The following GJB4 variants were observed in gnomAD, a reference collection of about 807,000 sequenced individuals.
The protein encoded by GJB4 is gap junction beta-4 protein.
For missense variants in GJB4, 371 were observed against 363.8 expected (o/e 1.02, Z -0.16); for synonymous variants, 162 against 158.1 (o/e 1.02, Z -0.18).
At position 34,762,085 on chromosome 1, in the gene GJB4, G is replaced by GT. The variant is rs1202659476; in HGVS notation, c.*31dup. ...CGAGATCAGCAGATAAGATCAACAG[G>GT]TCCCCCCCACATGAGGCCACCCAGG... is the stretch of plus-strand genomic sequence containing the variant. On this transcript the variant is annotated 3_prime_UTR_variant, in exon 2 of 2. Coordinates refer to ENST00000339480, the MANE Select transcript of GJB4 (RefSeq NM_153212.3). 6.3e-7 allele frequency: 1 copy of GT among 1,581,558 alleles called. No individual in the cohort carries two copies. Among genetic ancestry groups the GT allele is most frequent in the South Asian group, 1.1e-5 (1 of 87,828 alleles).
rs779192023 is a variant in GJB4, at chr1:34,761,659, C to T, written c.405C>T (p.Leu135=). ...TGTGGTGGACGTACTTGCTGAGCCT[C>T]ATCTTCAAGGCCGCCGTGGATGCTG... ...GGLWWTYLLS[L]IFKAAVDAGF... The change falls in exon 2 of 2, where the codon CTC becomes CTT. Residue 135 remains leucine (L), a synonymous_variant. Coordinates refer to ENST00000339480, the MANE Select transcript of GJB4 (RefSeq NM_153212.3). The surrounding 1 kb of genome is among the most constrained non-coding windows in gnomAD (Gnocchi z 4.4). 6.8e-6 allele frequency: 11 copies of T among 1,614,244 alleles called. No homozygotes were observed. The highest frequency in any genetic ancestry group is 3.3e-4 in the Middle Eastern group (2 of 6,062).
At position 34,762,078 on chromosome 1, in the gene GJB4, T is replaced by G; in HGVS notation, c.*23T>G. 1.9e-6 allele frequency: 3 copies of G among 1,591,518 alleles called. No homozygotes were observed. The highest frequency in any genetic ancestry group is 2.6e-6 in the Non-Finnish European group (3 of 1,167,532). On this transcript the variant is annotated 3_prime_UTR_variant, in exon 2 of 2. Coordinates refer to ENST00000339480, the MANE Select transcript of GJB4 (RefSeq NM_153212.3). Reference sequence around the variant, plus strand: ...TAACCTGCGAGATCAGCAGATAAGATCAACAGGTCCCCCCCACATGAGGCC... The same window carrying G: ...TAACCTGCGAGATCAGCAGATAAGAGCAACAGGTCCCCCCCACATGAGGCC...
rs1639716645 is a variant in GJB4, at chr1:34,761,601, T to C, written c.347T>C (p.Leu116Pro). ...AAACACGGGCCCAATGCCCCGTCCC[T>C]GTACGACAACCTGAGCAAGAAGCGG... is the stretch of plus-strand genomic sequence containing the variant. ...HLKHGPNAPS[L>P]YDNLSKKRGG... Residue 116 changes from leucine to proline, a missense_variant, in exon 2 of 2, where the codon CTG (leucine) becomes CCG (proline). Coordinates refer to ENST00000339480, the MANE Select transcript of GJB4 (RefSeq NM_153212.3). This position sits in a 1 kb window ranked among gnomAD's most constrained non-coding sequence, Gnocchi z 4.4. 1.2e-6 allele frequency: 2 copies of C among 1,614,250 alleles called. No homozygotes were observed. Among genetic ancestry groups the C allele is most frequent in the Non-Finnish European group, 1.7e-6 (2 of 1,180,036 alleles).
Position 34,761,024 on chromosome 1 carries a change from G to T in GJB4, c.-231G>T. On this transcript the variant is annotated 5_prime_UTR_variant, in exon 2 of 2. Transcript: ENST00000339480. The surrounding 1 kb of genome is among the most constrained non-coding windows in gnomAD (Gnocchi z 4.4). ...TGTGGACCATTGGGCAGGTATCTCT[G>T]GGCCTTCACTTACTCTTTGTGAAAT... is the stretch of plus-strand genomic sequence containing the variant. The T allele has an allele frequency of 6.7e-6, 4 of 599,928 alleles. No individual in the cohort carries two copies. Among genetic ancestry groups the T allele is most frequent in the Non-Finnish European group, 1.2e-5 (4 of 332,204 alleles). 37.2% of individuals were successfully genotyped at this position (599,928 alleles called of 1,614,324 possible). A position where few individuals can be genotyped will look rare whatever the true frequency, so the allele number is the denominator to read the frequency against.
chr1:34,761,295 A>G lies in GJB4; in HGVS notation c.41A>G (p.Asn14Ser), dbSNP rs775121738. 1.9e-6 allele frequency: 3 copies of G among 1,614,214 alleles called. No homozygotes were observed. The highest frequency in any genetic ancestry group is 2.5e-6 in the Non-Finnish European group (3 of 1,180,030). ...AFLQGLLSGVNKYSTVLSRIW... is the reference protein window; with the variant it reads ...AFLQGLLSGVSKYSTVLSRIW... ...CTGCAGGGCCTGCTGAGTGGCGTGA[A>G]CAAGTACTCCACAGTGCTGAGCCGC... The change falls in exon 2 of 2, where the codon AAC becomes AGC. Residue 14 changes from asparagine to serine, a missense_variant. Transcript: ENST00000339480. This position sits in a 1 kb window ranked among gnomAD's most constrained non-coding sequence, Gnocchi z 4.4.
At chr1:34,760,033 T>C (rs143435726) in intron 1 of GJB4, among the ~76,000 whole-genome samples, 300 of 152,268 alleles carry the variant, frequency 2.0e-3, no homozygotes, top group African/African-American at 6.9e-3. Context: ...TTAACAAACA[T>C]CTATTGTGTG....
At position 34,762,094 on chromosome 1, in the gene GJB4, A is replaced by G; in HGVS notation, c.*39A>G. ...CAGATAAGATCAACAGGTCCCCCCCACATGAGGCCACCCAGGAAAAAAGGC... is the reference window on the plus strand; with the variant it reads ...CAGATAAGATCAACAGGTCCCCCCCGCATGAGGCCACCCAGGAAAAAAGGC... On this transcript the variant is annotated 3_prime_UTR_variant, in exon 2 of 2. Coordinates refer to ENST00000339480, the MANE Select transcript of GJB4 (RefSeq NM_153212.3). 6.5e-7 allele frequency: 1 copy of G among 1,548,034 alleles called. No individual in the cohort carries two copies. The highest frequency in any genetic ancestry group is 8.8e-7 in the Non-Finnish European group (1 of 1,136,796).
At position 34,761,197 on chromosome 1, in the gene GJB4, T is replaced by G; in HGVS notation, c.-58T>G. 1.9e-6 allele frequency: 3 copies of G among 1,579,974 alleles called. No homozygotes were observed. Among genetic ancestry groups the G allele is most frequent in the Non-Finnish European group, 2.6e-6 (3 of 1,152,190 alleles). On this transcript the variant is annotated 5_prime_UTR_variant, in exon 2 of 2. Transcript: ENST00000339480. The surrounding 1 kb of genome is among the most constrained non-coding windows in gnomAD (Gnocchi z 4.4). ...GGCCTCAAGGCTCCCAAGGCCTGAG[T>G]GGGCAGGTAGCACCCAGGTATAGAC...
At position 34,761,342 on chromosome 1, in the gene GJB4, A is replaced by G. The variant is rs745452259; in HGVS notation, c.88A>G (p.Ile30Val). Reference protein sequence around the residue: ...LSRIWLSVVFIFRVLVYVVAA... With the variant: ...LSRIWLSVVFVFRVLVYVVAA... ...CCGCATCTGGCTGTCTGTGGTGTTC[A>G]TCTTTCGTGTGCTGGTGTACGTGGT... Residue 30 changes from isoleucine to valine, a missense_variant, in exon 2 of 2, where the codon ATC becomes GTC. Coordinates refer to ENST00000339480, the MANE Select transcript of GJB4 (RefSeq NM_153212.3). This position sits in a 1 kb window ranked among gnomAD's most constrained non-coding sequence, Gnocchi z 4.4. The G allele has an allele frequency of 6.2e-7, 1 of 1,614,026 alleles. No homozygotes were observed. The highest frequency in any genetic ancestry group is 8.5e-7 in the Non-Finnish European group (1 of 1,179,872).
Position 34,762,081 on chromosome 1 carries a change from A to G in GJB4, c.*26A>G. 6.3e-7 allele frequency: 1 copy of G among 1,588,148 alleles called. No individual in the cohort carries two copies. The highest frequency in any genetic ancestry group is 2.3e-5 in the East Asian group (1 of 43,702). On this transcript the variant is annotated 3_prime_UTR_variant, in exon 2 of 2. Coordinates refer to ENST00000339480, the MANE Select transcript of GJB4 (RefSeq NM_153212.3). The stretch of plus-strand genomic sequence containing the variant: ...CCTGCGAGATCAGCAGATAAGATCA[A>G]CAGGTCCCCCCCACATGAGGCCACC...
At position 34,761,392 on chromosome 1, in the gene GJB4, T is replaced by C. The variant is rs151304203; in HGVS notation, c.138T>C (p.Asp46=). Residue 46 remains aspartate, a synonymous_variant, in exon 2 of 2, where the codon GAT becomes GAC. Coordinates refer to ENST00000339480, the MANE Select transcript of GJB4 (RefSeq NM_153212.3). The surrounding 1 kb of genome is among the most constrained non-coding windows in gnomAD (Gnocchi z 4.4). ...TGGCAGCGGAGGAGGTGTGGGACGA[T>C]GAGCAGAAGGACTTTGTCTGCAACA... The part of the protein sequence containing the change: ...YVVAAEEVWD[D]EQKDFVCNTK... 8.1e-4 allele frequency: 1,305 copies of C among 1,613,584 alleles called. 13 individuals are homozygous for C. In the African/African-American group the frequency reaches 0.016, roughly 20 times the overall value.
Position 34,761,389 on chromosome 1 carries a change from C to T in GJB4, c.135C>T (p.Asp45=), listed in dbSNP as rs762081557. The change falls in exon 2 of 2, where the codon GAC becomes GAT. Residue 45 remains aspartate (D), a synonymous_variant. Coordinates refer to ENST00000339480, the MANE Select transcript of GJB4 (RefSeq NM_153212.3). This position sits in a 1 kb window ranked among gnomAD's most constrained non-coding sequence, Gnocchi z 4.4. ...VYVVAAEEVW[D]DEQKDFVCNT... is the part of the protein sequence containing the mutation. ...TGGTGGCAGCGGAGGAGGTGTGGGA[C>T]GATGAGCAGAAGGACTTTGTCTGCA... 48 of 1,613,550 alleles carry T rather than the reference C, an allele frequency of 3.0e-5. No homozygotes were observed. The highest frequency in any genetic ancestry group is 4.0e-5 in the African/African-American group (3 of 74,718).
At chr1:34,760,103 A>G (rs1472048278) in intron 1 of GJB4, among the ~76,000 whole-genome samples, 1 of 152,228 alleles carries the variant, frequency 6.6e-6, no homozygotes, top group African/African-American at 2.4e-5. Context: ...CCTGCCCTCT[A>G]GCAGCTGACA....
chr1:34,761,619 A>G lies in GJB4; in HGVS notation c.365A>G (p.Lys122Arg). The G allele has an allele frequency of 6.2e-7, 1 of 1,614,242 alleles. No homozygotes were observed. Among genetic ancestry groups the G allele is most frequent in the Non-Finnish European group, 8.5e-7 (1 of 1,180,042 alleles). ...NAPSLYDNLSKKRGGLWWTYL... is the reference protein window; with the variant it reads ...NAPSLYDNLSRKRGGLWWTYL... ...CCGTCCCTGTACGACAACCTGAGCA[A>G]GAAGCGGGGCGGACTGTGGTGGACG... is the stretch of plus-strand genomic sequence containing the variant. The change falls in exon 2 of 2, where the codon AAG becomes AGG. Residue 122 changes from lysine (K) to arginine (R), a missense_variant. Transcript: ENST00000339480. This position sits in a 1 kb window ranked among gnomAD's most constrained non-coding sequence, Gnocchi z 4.4.
chr1:34,761,998 GA>G lies in GJB4; in HGVS notation c.746del (p.Asn249ThrfsTer4), dbSNP rs1454237556. 6.2e-7 allele frequency: 1 copy of G among 1,614,186 alleles called. No homozygotes were observed. Among genetic ancestry groups the G allele is most frequent in the East Asian group, 2.2e-5 (1 of 44,882 alleles). ...LSQGGHPEDG[N>X]SVLMKAGSAP... ...CCCAGGGAGGGCACCCTGAGGATGG[GA>G]ACTCTGTCCTAATGAAGGCTGGGTC... On this transcript the variant is annotated frameshift_variant, in exon 2 of 2. Coordinates refer to ENST00000339480, the MANE Select transcript of GJB4 (RefSeq NM_153212.3). LOFTEE classifies it high-confidence loss of function. This position sits in a 1 kb window ranked among gnomAD's most constrained non-coding sequence, Gnocchi z 4.4.
At position 34,762,302 on chromosome 1, in the gene GJB4, T is replaced by C. The variant is rs1316899607; in HGVS notation, c.*247T>C. The C allele has an allele frequency of 5.1e-6, 3 of 585,166 alleles. No individual in the cohort carries two copies. The highest frequency in any genetic ancestry group is 9.4e-6 in the Non-Finnish European group (3 of 317,558). The allele number at this position is 585,166 out of a possible 1,614,324, so 36.2% of individuals were successfully genotyped here. A position where few individuals can be genotyped will look rare whatever the true frequency, so the allele number is the denominator to read the frequency against. ...ATATGGCAACAGTATATGTCAAACC[T>C]CTTAATAAATATGATTTTCCCAGTA... is the stretch of plus-strand genomic sequence containing the variant. On this transcript the variant is annotated 3_prime_UTR_variant, in exon 2 of 2. Coordinates refer to ENST00000339480, the MANE Select transcript of GJB4 (RefSeq NM_153212.3).
rs976388855 is a variant in GJB4 at position 34,762,034 on chromosome 1, G to A, written c.780G>A (p.Val260=). The change falls in exon 2 of 2, where the codon GTG becomes GTA. Residue 260 remains valine, a synonymous_variant. Transcript: ENST00000339480. The stretch of plus-strand genomic sequence containing the variant: ...TAATGAAGGCTGGGTCGGCCCCAGT[G>A]GATGCAGGTGGGTATCCATAACCTG... ...SVLMKAGSAP[V]DAGGYP 3 of 1,613,310 alleles carry A rather than the reference G, an allele frequency of 1.9e-6. No homozygotes were observed. Among genetic ancestry groups the A allele is most frequent in the South Asian group, 1.1e-5 (1 of 90,998 alleles).
Position 34,762,208 on chromosome 1 carries a change from T to C in GJB4, c.*153T>C. On this transcript the variant is annotated 3_prime_UTR_variant, in exon 2 of 2. Transcript: ENST00000339480. Reference sequence around the variant, plus strand: ...CTCGCCCAGGGGCCAATGTGGGAGGTTGGGGGTAGTTTGGTCCCTGGGTCC... The same window carrying C: ...CTCGCCCAGGGGCCAATGTGGGAGGCTGGGGGTAGTTTGGTCCCTGGGTCC... 1 of 770,432 alleles carries C rather than the reference T, an allele frequency of 1.3e-6. No individual in the cohort carries two copies. Among genetic ancestry groups the C allele is most frequent in the Non-Finnish European group, 2.2e-6 (1 of 446,796 alleles). 47.7% of individuals were successfully genotyped at this position (770,432 alleles called of 1,614,324 possible).
rs1557652735 is a variant in GJB4 at position 34,761,771 on chromosome 1, G to A, written c.517G>A (p.Val173Met). The change falls in exon 2 of 2, where the codon GTG becomes ATG. Residue 173 changes from valine (V) to methionine (M), a missense_variant. Physicochemically the swap from Val to Met is conservative, Grantham distance 21. Coordinates refer to ENST00000339480, the MANE Select transcript of GJB4 (RefSeq NM_153212.3). The surrounding 1 kb of genome is among the most constrained non-coding windows in gnomAD (Gnocchi z 4.4). Reference sequence around the variant, plus strand: ...CTCCGTGGAGCCTTGCCCCCACACTGTGGACTGTTACATCTCCCGGCCCAC... The same window carrying A: ...CTCCGTGGAGCCTTGCCCCCACACTATGGACTGTTACATCTCCCGGCCCAC... Reference protein sequence around the residue: ...ACSVEPCPHTVDCYISRPTEK... With the variant: ...ACSVEPCPHTMDCYISRPTEK... 12 of 1,614,114 alleles carry A rather than the reference G, an allele frequency of 7.4e-6. No individual in the cohort carries two copies. The highest frequency in any genetic ancestry group is 1.0e-5 in the Non-Finnish European group (12 of 1,180,030).
Sources: allele counts gnomAD v4.1 joint callset (sites outside exome capture counted in the v4.1 genomes callset), GRCh38; gene constraint gnomAD v4.1.1; non-coding constraint Gnocchi (gnomAD v3.1); transcripts MANE v1.5; gene names NCBI Gene and HGNC (gene_info 2026-07-23, HGNC 2026-07-21).